Variants in NLGN4X observed in about 807,000 individuals in gnomAD.
The protein encoded by NLGN4X is neuroligin-4, X-linked.
Under a neutral mutation model 40.3 loss-of-function variants are expected in NLGN4X, and 3 were observed. The observed-to-expected ratio is 0.07, with a 90% confidence interval of 0.03 to 0.19. The LOEUF is 0.19. NLGN4X is among the 10% of genes least tolerant of loss of function. The probability of loss-of-function intolerance (pLI) is 1.00; values close to 1 mark genes in which losing one functional copy is unlikely to be tolerated. For missense variants in NLGN4X, 382 were observed against 708.3 expected, an observed-to-expected ratio of 0.54 and a Z score of 5.23; for synonymous variants, 270 against 306.8, an observed-to-expected ratio of 0.88 and a Z score of 1.25.
chrX:5,980,038 T>A (rs1162861853), intron 3 of NLGN4X, among the ~76,000 whole-genome samples: 1 of 106,999 alleles, frequency 9.3e-6, no homozygotes, highest in Non-Finnish European at 1.9e-5. Flanking sequence ...GTAATAGTGA[T>A]ACTCAGTATA....
intron 1 of NLGN4X, among the ~76,000 whole-genome samples, chrX:6,210,242 TTGTG>T (rs748017875): frequency 0.031 from 2,936 of 94,010 alleles, 48 homozygotes; most frequent in Non-Finnish European, 0.046. Context: ...GTGCGCCCGT[TTGTG>T]TGTGTGTGTG....
At chrX:5,989,305 A>C (rs1280067694) in intron 3 of NLGN4X, among the ~76,000 whole-genome samples, 1 of 111,336 alleles carries the variant, frequency 9.0e-6, no homozygotes, top group Non-Finnish European at 1.9e-5. Flanking sequence ...GAAACGTTTT[A>C]AAGTGAGGAG....
intron 2 of NLGN4X, among the ~76,000 whole-genome samples, chrX:6,038,908 T>C (rs1390235517): frequency 9.0e-6 from 1 of 111,121 alleles, no homozygotes; most frequent in East Asian, 2.8e-4. Context: ...TGAAAATTAG[T>C]TTCTTTAAAA....
intron 1 of NLGN4X, among the ~76,000 whole-genome samples, chrX:6,201,228 A>C (rs1208357613): frequency 8.9e-6 from 1 of 112,177 alleles, no homozygotes; most frequent in East Asian, 2.8e-4. Flanking sequence ...AGTCATGAAT[A>C]AGGTGTGGAG....
chrX:6,181,694 A>C (rs1208147352), intron 1 of NLGN4X, among the ~76,000 whole-genome samples: 2 of 111,601 alleles, frequency 1.8e-5, no homozygotes, highest in Non-Finnish European at 3.8e-5. Context: ...TAATCCATTA[A>C]TCCTTGATCC....
At chrX:6,163,009 C>T (rs1036243173) in intron 1 of NLGN4X, among the ~76,000 whole-genome samples, 12 of 111,227 alleles carry the variant, frequency 1.1e-4, no homozygotes, top group African/African-American at 3.9e-4. Flanking sequence ...ATACTGTTCT[C>T]GTGATAGTAA....
intron 1 of NLGN4X, among the ~76,000 whole-genome samples, chrX:6,224,746 G>A (rs1336912490): frequency 9.2e-6 from 1 of 108,519 alleles, no homozygotes; most frequent in Non-Finnish European, 1.9e-5. Context: ...TAAATAAAAC[G>A]CAAAGAAAAG....
intron 1 of NLGN4X, among the ~76,000 whole-genome samples, chrX:6,166,660 T>G (rs1411207840): frequency 9.0e-6 from 1 of 110,520 alleles, no homozygotes; most frequent in Non-Finnish European, 1.9e-5. Context: ...TACAGCTTTC[T>G]GCTTGTGGAT....
At chrX:5,896,444 A>G (rs2031498061) in intron 5 of NLGN4X, among the ~76,000 whole-genome samples, 1 of 111,665 alleles carries the variant, frequency 9.0e-6, no homozygotes. Flanking sequence ...TGTTTTTTAG[A>G]CTTTATTCAG....
intron 2 of NLGN4X, among the ~76,000 whole-genome samples, chrX:6,047,569 G>C (rs1377338612): frequency 1.8e-5 from 2 of 112,314 alleles, no homozygotes; most frequent in Admixed American, 9.4e-5. Context: ...AAATACCTTT[G>C]TCACTTTAGC....
intron 1 of NLGN4X, among the ~76,000 whole-genome samples, chrX:6,167,494 C>T (rs1396068001): frequency 8.9e-6 from 1 of 112,099 alleles, no homozygotes; most frequent in Non-Finnish European, 1.9e-5. Flanking sequence ...CATTCACAAA[C>T]ACATAGAAAA....
chrX:6,145,841 G>A (rs1424600832), intron 2 of NLGN4X, among the ~76,000 whole-genome samples: 1 of 111,074 alleles, frequency 9.0e-6, no homozygotes, highest in Non-Finnish European at 1.9e-5. Context: ...AAAGTTTATG[G>A]GCCCAGTGCA....
At chrX:5,909,532 ACGT>A (rs958931306) in intron 3 of NLGN4X, among the ~76,000 whole-genome samples, 30 of 110,448 alleles carry the variant, frequency 2.7e-4, no homozygotes, top group African/African-American at 8.6e-4. Flanking sequence ...ATCCCAGAAG[ACGT>A]CGTAAATTTT....
chrX:5,914,236 ATTG>A (rs1019378378), intron 3 of NLGN4X, among the ~76,000 whole-genome samples: 19 of 112,094 alleles, frequency 1.7e-4, no homozygotes, highest in African/African-American at 5.8e-4. Flanking sequence ...CAGGCTTAAT[ATTG>A]TTGTCACAAC....
chrX:5,992,368 G>A (rs968684348), intron 3 of NLGN4X, among the ~76,000 whole-genome samples: 1 of 111,737 alleles, frequency 8.9e-6, no homozygotes, highest in South Asian at 3.7e-4. Context: ...CACTTTAGGA[G>A]GCTGAAGCAG....
chrX:6,087,139 C>T (rs1438426708), intron 2 of NLGN4X, among the ~76,000 whole-genome samples: 1 of 111,854 alleles, frequency 8.9e-6, no homozygotes, highest in Non-Finnish European at 1.9e-5. Context: ...TTTTTAAAAT[C>T]TTAAATATAG....
At position 5,979,332 on chromosome X, in the gene NLGN4X, A is replaced by T. The variant is rs368895930; in HGVS notation, c.625+49948T>A. Among the ~76,000 whole-genome samples, 6 of 111,348 alleles carry T rather than the reference A, an allele frequency of 5.4e-5. No homozygotes were observed. The East Asian group carries it at 1.1e-3, about 21-fold the overall frequency. ...TCAGGTTCTTGGTCTTGGTATGGACATATGCTCCTCTTTTTCTTGTGTAAA... is the reference window on the plus strand; with the variant it reads ...TCAGGTTCTTGGTCTTGGTATGGACTTATGCTCCTCTTTTTCTTGTGTAAA... On this transcript the variant is annotated intron_variant, in intron 3 of 5. Coordinates refer to ENST00000381095, the MANE Select transcript of NLGN4X (RefSeq NM_181332.3).
chrX:6,022,197 A>C (rs770750913), intron 3 of NLGN4X, among the ~76,000 whole-genome samples: 5 of 112,221 alleles, frequency 4.5e-5, no homozygotes, highest in African/African-American at 9.7e-5. Flanking sequence ...GGCCATTTAC[A>C]GAAATCAAAT....
intron 5 of NLGN4X, among the ~76,000 whole-genome samples, chrX:5,897,686 G>C (rs1439657353): frequency 8.9e-6 from 1 of 111,797 alleles, no homozygotes; most frequent in East Asian, 2.8e-4. Flanking sequence ...TGAGGCCCTG[G>C]CATTCAATGA....
Sources: gnomAD v4.1 joint callset for allele counts (sites outside exome capture counted in the v4.1 genomes callset) on GRCh38, gnomAD v4.1.1 for gene constraint, MANE v1.5 for transcripts, NCBI Gene and HGNC (gene_info 2026-07-23, HGNC 2026-07-21) for gene names.